FCRL5: variants seen among roughly 807,000 people sequenced by gnomAD.
The protein encoded by FCRL5 is Fc receptor like 5.
A neutral mutation model predicts 92.1 loss-of-function variants in FCRL5; 79 were observed. That is an observed-to-expected ratio of 0.86 (90% confidence interval 0.72 to 1.03). The LOEUF (loss-of-function observed/expected upper bound fraction) is 1.03, where lower values mean the gene tolerates loss of function less well. Among genes scored for constraint, FCRL5 ranks in the 50% least tolerant of loss-of-function variants. The pLI, the probability that FCRL5 is intolerant of heterozygous loss-of-function variation, is 0.00. For synonymous variants in FCRL5, 466 were observed against 469.3 expected, an observed-to-expected ratio of 0.99 and a Z score of 0.09; for missense variants, 1,160 against 1,181.1, an observed-to-expected ratio of 0.98 and a Z score of 0.26.
intron 13 of FCRL5, 164 bp from the exon 14 acceptor site, chr1:157,518,946 A>G: frequency 1.9e-6 from 1 of 536,862 alleles, no homozygotes; most frequent in Non-Finnish European, 3.3e-6. Flanking sequence ...AATCATAATC[A>G]TATTATATAT....
intron 3 of FCRL5, among the ~76,000 whole-genome samples, chr1:157,545,463 A>T (rs1281420141): frequency 1.3e-5 from 2 of 150,780 alleles, no homozygotes; most frequent in Admixed American, 6.6e-5. Flanking sequence ...TCATTATTGA[A>T]CCTGATTTTT....
chr1:157,543,260 C>T, intron 5 of FCRL5, 123 bp from the exon 6 acceptor site: 1 of 889,212 alleles, frequency 1.1e-6, no homozygotes, highest in Admixed American at 2.7e-5. Flanking sequence ...CAGAACCACA[C>T]ACCCTTACCT....
At chr1:157,546,118 G>A (rs1651522698) in intron 3 of FCRL5, 2 of 274,132 alleles carry the variant, frequency 7.3e-6, no homozygotes, top group Admixed American at 9.7e-5. Flanking sequence ...CAATTCTCCT[G>A]CCACTTATTA....
At chr1:157,547,462 C>G (rs1282869764) in intron 2 of FCRL5, 1 of 634,788 alleles carries the variant, frequency 1.6e-6, no homozygotes, top group African/African-American at 1.8e-5. Context: ...AGTTAGGTAG[C>G]CTTACATGGA....
Position 157,539,340 on chromosome 1 carries a change from T to G in FCRL5, c.1148A>C (p.Asn383Thr), listed in dbSNP as rs1224386792. The change falls in exon 7 of 17, where the codon AAC (asparagine) becomes ACC (threonine). Residue 383 changes from asparagine to threonine, a missense_variant. By Grantham distance (65) the Asn-to-Thr change is moderately conservative (BLOSUM62 0). Coordinates refer to ENST00000361835, the MANE Select transcript of FCRL5 (RefSeq NM_031281.3). ...AATCAGGTCCTCAGGAGAGCTGAGG[T>G]TGAGGACAGGATGAGACACGGGAAC... ...VTVPVSHPVLNLSSPEDLIFE... is the reference protein window; with the variant it reads ...VTVPVSHPVLTLSSPEDLIFE... 6.2e-7 allele frequency: 1 copy of G among 1,613,574 alleles called. No homozygotes were observed. The highest frequency in any genetic ancestry group is 8.5e-7 in the Non-Finnish European group (1 of 1,179,748).
At position 157,524,255 on chromosome 1, in the gene FCRL5, T is replaced by A. The variant is rs551680533; in HGVS notation, c.2239+24A>T. 1.9e-6 allele frequency: 3 copies of A among 1,613,398 alleles called. No individual in the cohort carries two copies. In the African/African-American group the frequency reaches 4.0e-5, roughly 21 times the overall value. On this transcript the variant is annotated intron_variant, in intron 10 of 16. Coordinates refer to ENST00000361835, the MANE Select transcript of FCRL5 (RefSeq NM_031281.3). ...AGGCACAGTCAGTTCTCAGATGTGC[T>A]GCTGGTGGGCAGGGCCCACTCACCT...
intron 3 of FCRL5, among the ~76,000 whole-genome samples, chr1:157,545,895 G>A (rs1322638343): frequency 6.6e-6 from 1 of 152,146 alleles, no homozygotes; most frequent in Admixed American, 6.5e-5. Flanking sequence ...GATTGTTTCA[G>A]TAGGCAAATT....
Position 157,544,818 on chromosome 1 carries a change from A to G in FCRL5, c.559+13T>C. On this transcript the variant is annotated intron_variant, in intron 4 of 16. Coordinates refer to ENST00000361835, the MANE Select transcript of FCRL5 (RefSeq NM_031281.3). ...TTTGACCAACTCACTTCACAAAATA[A>G]TGAAGGCTTTACCTTGGACTTGGAT... The G allele has an allele frequency of 1.2e-6, 2 of 1,613,800 alleles. No homozygotes were observed. The highest frequency in any genetic ancestry group is 1.7e-6 in the Non-Finnish European group (2 of 1,179,978).
chr1:157,544,690 C>T, intron 4 of FCRL5, 141 bp downstream of exon 4: 3 of 1,422,026 alleles, frequency 2.1e-6, no homozygotes, highest in Non-Finnish European at 2.9e-6. Context: ...CAAAACACTA[C>T]TATACTTCCT....
intron 14 of FCRL5, 97 bp downstream of exon 14, chr1:157,518,603 C>T (rs1650036261): frequency 2.1e-6 from 3 of 1,455,644 alleles, no homozygotes; most frequent in Non-Finnish European, 2.9e-6. Flanking sequence ...GACTAGAGCC[C>T]TCTAGGCCTC....
chr1:157,541,256 C>T (rs1490087102), intron 6 of FCRL5, among the ~76,000 whole-genome samples: 1 of 152,166 alleles, frequency 6.6e-6, no homozygotes, highest in East Asian at 1.9e-4. Flanking sequence ...GGGGTTTGCT[C>T]CAACTGGACG....
At position 157,518,458 on chromosome 1, in the gene FCRL5, C is replaced by A. The variant is rs779734077; in HGVS notation, c.2783G>T (p.Arg928Leu). ...ATGTTTCTTTTTCTCTTGGATGATCCGTACTTCTGAGTAAACCACATTTTC... is the reference window on the plus strand; with the variant it reads ...ATGTTTCTTTTTCTCTTGGATGATCAGTACTTCTGAGTAAACCACATTTTC... ...RGENVVYSEV[R>L]IIQEKKKHAV... Residue 928 changes from arginine (R) to leucine (L), a missense_variant, in exon 15 of 17, where the codon CGG becomes CTG. Physicochemically the swap from Arg to Leu is moderately radical, Grantham distance 102. Coordinates refer to ENST00000361835, the MANE Select transcript of FCRL5 (RefSeq NM_031281.3). 1.2e-6 allele frequency: 2 copies of A among 1,614,108 alleles called. No individual in the cohort carries two copies. Among genetic ancestry groups the A allele is most frequent in the Non-Finnish European group, 1.7e-6 (2 of 1,179,978 alleles).
chr1:157,515,361 T>G lies in FCRL5; in HGVS notation c.*314A>C. Reference sequence around the variant, plus strand: ...TGTGGTAAGACCCCCTCTGTGGGGGTGTGATGAGAGCAGTACTCAGAACAG... The same window carrying G: ...TGTGGTAAGACCCCCTCTGTGGGGGGGTGATGAGAGCAGTACTCAGAACAG... On this transcript the variant is annotated 3_prime_UTR_variant, in exon 17 of 17. Coordinates refer to ENST00000361835, the MANE Select transcript of FCRL5 (RefSeq NM_031281.3). 2 of 388,404 alleles carry G rather than the reference T, an allele frequency of 5.1e-6. No individual in the cohort carries two copies. Among genetic ancestry groups the G allele is most frequent in the Non-Finnish European group, 9.6e-6 (2 of 208,532 alleles). 24.1% of individuals were successfully genotyped at this position (388,404 alleles called of 1,614,324 possible).
chr1:157,534,711 G>C lies in FCRL5; in HGVS notation c.1584C>G (p.Ser528Arg). ...STPSVGRVSF[S>R]FSLTEGHSGN... ...CTGAATGTCCTTCAGTCAGAGAGAA[G>C]CTGAAGGACACTCTTCCCACAGAGG... Residue 528 changes from serine to arginine, a missense_variant, in exon 8 of 17, where the codon AGC becomes AGG. By Grantham distance (110) the Ser-to-Arg change is moderately radical. Coordinates refer to ENST00000361835, the MANE Select transcript of FCRL5 (RefSeq NM_031281.3). 1 of 1,613,942 alleles carries C rather than the reference G, an allele frequency of 6.2e-7. No individual in the cohort carries two copies. The highest frequency in any genetic ancestry group is 8.5e-7 in the Non-Finnish European group (1 of 1,179,838).
chr1:157,522,997 G>A (rs768573002), intron 10 of FCRL5, among the ~76,000 whole-genome samples: 7 of 152,184 alleles, frequency 4.6e-5, no homozygotes, highest in Non-Finnish European at 8.8e-5. Flanking sequence ...GGTGCTGCTG[G>A]TGGGGGAAGA....
At chr1:157,532,417 C>T (rs1040253225) in intron 8 of FCRL5, 1 of 152,104 alleles carries the variant, frequency 6.6e-6, no homozygotes, top group Admixed American at 6.5e-5. Flanking sequence ...AAATCTATTA[C>T]TAATTTTTTA....
At chr1:157,527,585 T>A in intron 9 of FCRL5, 32 bp downstream of exon 9, 1 of 1,540,646 alleles carries the variant, frequency 6.5e-7, no homozygotes. Context: ...GATGGTCTTT[T>A]TATTTTTGTG....
rs1404561285 is a variant in FCRL5, at chr1:157,519,779, G to C, written c.2633-9C>G. The C allele has an allele frequency of 1.2e-6, 2 of 1,613,834 alleles. No individual in the cohort carries two copies. The highest frequency in any genetic ancestry group is 1.7e-6 in the Non-Finnish European group (2 of 1,179,956). On this transcript the variant is annotated splice_polypyrimidine_tract_variant and intron_variant, in intron 12 of 16. Transcript: ENST00000361835. ...AGAGGCAGGCTTTCTCCCTGTAAAGGAAAGCAGAGGAGCATTGGATTCAGG... is the reference window on the plus strand; with the variant it reads ...AGAGGCAGGCTTTCTCCCTGTAAAGCAAAGCAGAGGAGCATTGGATTCAGG...
rs189583124 is a variant in FCRL5, at chr1:157,552,321, C to G, written c.31+11G>C. 8.4e-3 allele frequency: 13,520 copies of G among 1,613,792 alleles called. 83 individuals carry two copies. Among genetic ancestry groups the G allele is most frequent in the Non-Finnish European group, 0.01 (12,040 of 1,179,768 alleles). ...TCCCACCCAGGGCCCATGGTGAGCC[C>G]TTTTACTCACCCAGGACCAGTAATA... On this transcript the variant is annotated intron_variant, in intron 1 of 16. Transcript: ENST00000361835.
Sources: allele counts gnomAD v4.1 joint callset (sites outside exome capture counted in the v4.1 genomes callset), GRCh38; gene constraint gnomAD v4.1.1; transcripts MANE v1.5; gene names NCBI Gene and HGNC (gene_info 2026-07-23, HGNC 2026-07-21).